CDCP1: variants seen among roughly 807,000 people sequenced by gnomAD.
CDCP1 encodes the protein CUB domain containing protein 1.
Under a neutral mutation model 60.2 loss-of-function variants are expected in CDCP1, and 29 were observed. The ratio of observed to expected loss-of-function variants is 0.48; its 90% CI spans 0.36 to 0.66. The LOEUF is 0.66. Among genes scored for constraint, CDCP1 ranks in the 30% least tolerant of loss-of-function variants. The pLI is 0.00. For synonymous variants in CDCP1, 387 were observed against 431.1 expected, an observed-to-expected ratio of 0.90 and a Z score of 1.27; for missense variants, 876 against 1,074.3, an observed-to-expected ratio of 0.82 and a Z score of 2.58.
At chr3:45,136,432 G>A (rs1279382392) in intron 1 of CDCP1, among the ~76,000 whole-genome samples, 2 of 152,208 alleles carry the variant, frequency 1.3e-5, no homozygotes, top group Non-Finnish European at 2.9e-5. Context: ...TTGGGGCGAT[G>A]AAGCATTAAT....
intron 2 of CDCP1, among the ~76,000 whole-genome samples, chr3:45,117,268 T>G (rs749235400): frequency 6.6e-6 from 1 of 152,204 alleles, no homozygotes; most frequent in African/African-American, 2.4e-5. Flanking sequence ...TATTATTATT[T>G]CCTATGTCAA....
At chr3:45,128,857 A>G (rs894158192) in intron 1 of CDCP1, among the ~76,000 whole-genome samples, 1 of 152,160 alleles carries the variant, frequency 6.6e-6, no homozygotes, top group Non-Finnish European at 1.5e-5. Context: ...AGCTGGGATT[A>G]CAGGTGCCCG....
intron 4 of CDCP1, among the ~76,000 whole-genome samples, chr3:45,109,398 C>T (rs1210492875): frequency 1.3e-5 from 2 of 152,204 alleles, no homozygotes; most frequent in African/African-American, 2.4e-5. Flanking sequence ...CGCCATTCCA[C>T]ACTCCCACTT....
chr3:45,144,999 AT>A (rs1380243110), intron 1 of CDCP1, among the ~76,000 whole-genome samples: 1 of 151,474 alleles, frequency 6.6e-6, no homozygotes, highest in East Asian at 1.9e-4. Context: ...TATATAATTT[AT>A]ATATATATTT....
rs1217389319 is a variant in CDCP1, at chr3:45,084,448, C to A, written c.*1190G>T. 1.3e-5 allele frequency: 2 copies of A among 152,144 alleles called. No homozygotes were observed. Among genetic ancestry groups the A allele is most frequent in the Non-Finnish European group, 2.9e-5 (2 of 68,044 alleles). The allele number at this position is 152,144 out of a possible 1,614,324, so 9.4% of individuals were successfully genotyped here. ...AAGGAACTTTAGATGGAGAGATTAT[C>A]CTGGATCTTCCTGGTGGGCTTTGTA... On this transcript the variant is annotated 3_prime_UTR_variant, in exon 9 of 9. Transcript: ENST00000296129.
chr3:45,105,914 A>G (rs1698557152), intron 4 of CDCP1, among the ~76,000 whole-genome samples: 1 of 152,218 alleles, frequency 6.6e-6, no homozygotes, highest in Non-Finnish European at 1.5e-5. Flanking sequence ...AGAGGTGAAC[A>G]TGAACTGAGC....
intron 1 of CDCP1, among the ~76,000 whole-genome samples, chr3:45,130,631 G>A (rs1020607851): frequency 1.3e-5 from 2 of 152,208 alleles, no homozygotes; most frequent in East Asian, 1.9e-4. Flanking sequence ...AGGGCTTCAC[G>A]GTTCTTGTTA....
chr3:45,107,885 G>C (rs745377975), intron 4 of CDCP1, among the ~76,000 whole-genome samples: 10 of 152,156 alleles, frequency 6.6e-5, no homozygotes, highest in Non-Finnish European at 1.2e-4. Context: ...GGGTGGCCGA[G>C]GCGGGTGGAT....
intron 1 of CDCP1, among the ~76,000 whole-genome samples, chr3:45,145,585 C>T (rs1198792113): frequency 6.6e-6 from 1 of 152,162 alleles, no homozygotes; most frequent in East Asian, 1.9e-4. Context: ...TGCCTGGCGG[C>T]TTTCTCTGGG....
chr3:45,117,207 G>A (rs889564334), intron 2 of CDCP1, among the ~76,000 whole-genome samples: 1 of 151,992 alleles, frequency 6.6e-6, no homozygotes, highest in Non-Finnish European at 1.5e-5. Flanking sequence ...TATTTGACAT[G>A]GCCCCCTTAA....
At chr3:45,141,178 GC>G (rs1699283019) in intron 1 of CDCP1, among the ~76,000 whole-genome samples, 1 of 151,506 alleles carries the variant, frequency 6.6e-6, no homozygotes, top group Non-Finnish European at 1.5e-5. Flanking sequence ...TCCAGCCTGG[GC>G]AACAGAGTAA....
intron 4 of CDCP1, among the ~76,000 whole-genome samples, chr3:45,100,257 T>C (rs2125992963): frequency 6.6e-6 from 1 of 152,380 alleles, no homozygotes; most frequent in African/African-American, 2.4e-5. Context: ...TCATGCTCAG[T>C]ACTTCAGTTT....
At chr3:45,118,202 T>C (rs569926207) in intron 2 of CDCP1, among the ~76,000 whole-genome samples, 1 of 152,336 alleles carries the variant, frequency 6.6e-6, no homozygotes, top group East Asian at 1.9e-4. Flanking sequence ...GAACTTCTCA[T>C]AGGGCTGTTT....
rs192207934 is a variant in CDCP1 at position 45,088,430 on chromosome 3, G to C, written c.2081+624C>G. On this transcript the variant is annotated intron_variant, in intron 8 of 8. Coordinates refer to ENST00000296129, the MANE Select transcript of CDCP1 (RefSeq NM_022842.5). ...CAACCCAGGAGGCGGAGGCTGCAGT[G>C]AACCGAGATTGCACCACTGGCAACA... Among the ~76,000 whole-genome samples the C allele has an allele frequency of 2.8e-3, 421 of 152,260 alleles. 1 individual carries two copies. Among genetic ancestry groups the C allele is most frequent in the Middle Eastern group, 0.027 (8 of 294 alleles).
intron 1 of CDCP1, among the ~76,000 whole-genome samples, chr3:45,128,085 A>G (rs1050282034): frequency 6.6e-6 from 1 of 152,188 alleles, no homozygotes; most frequent in Non-Finnish European, 1.5e-5. Flanking sequence ...AAAGGACCAC[A>G]TTAAACACTG....
At chr3:45,100,846 T>C (rs932594798) in intron 4 of CDCP1, among the ~76,000 whole-genome samples, 5 of 152,218 alleles carry the variant, frequency 3.3e-5, no homozygotes, top group African/African-American at 1.2e-4. Flanking sequence ...AACTGGTATA[T>C]GGTAGAGGAT....
At chr3:45,145,867 T>C (rs1161240229) in intron 1 of CDCP1, among the ~76,000 whole-genome samples, 1 of 152,052 alleles carries the variant, frequency 6.6e-6, no homozygotes, top group African/African-American at 2.4e-5. Flanking sequence ...ACATGTCGCC[T>C]GGGATCGGCT....
chr3:45,108,358 G>C (rs1246049616), intron 4 of CDCP1, among the ~76,000 whole-genome samples: 1 of 152,160 alleles, frequency 6.6e-6, no homozygotes, highest in African/African-American at 2.4e-5. Flanking sequence ...TAGAGGGCTT[G>C]ACACTGCTAA....
In CDCP1 at chr3:45,138,400, TAC is replaced by T. The variant is rs539780617; in HGVS notation, c.82+7804_82+7805del. Reference sequence around the variant, plus strand: ...CTGTCTCCCACTAGAGACCTGGTTATACAGACTATGATAGCCTATAATTTTGG... The same window carrying T: ...CTGTCTCCCACTAGAGACCTGGTTATAGACTATGATAGCCTATAATTTTGG... On this transcript the variant is annotated intron_variant, in intron 1 of 8. Transcript: ENST00000296129. Among the ~76,000 whole-genome samples the T allele has an allele frequency of 5.3e-3, 806 of 152,366 alleles. 9 individuals are homozygous for T. The highest frequency in any genetic ancestry group is 0.018 in the African/African-American group (767 of 41,584).
Sources: allele counts gnomAD v4.1 joint callset (sites outside exome capture counted in the v4.1 genomes callset), GRCh38; gene constraint gnomAD v4.1.1; transcripts MANE v1.5; gene names NCBI Gene and HGNC (gene_info 2026-07-23, HGNC 2026-07-21).